LRRIQ1: variants seen among roughly 807,000 people sequenced by gnomAD.
The protein encoded by LRRIQ1 is leucine rich repeats and IQ motif containing 1.
LRRIQ1 carries 210 observed loss-of-function variants against 211.9 expected under a neutral mutation model. The observed-to-expected ratio is 0.99, with a 90% CI of 0.89 to 1.11. LRRIQ1 has a LOEUF of 1.11. Ranked by LOEUF, LRRIQ1 falls within the 50% of genes most tolerant of loss-of-function variation. LRRIQ1 has a pLI of 0.00. For synonymous variants in LRRIQ1, 699 were observed against 650.1 expected (o/e 1.08, Z -1.14); for missense variants, 2,136 against 1,939.5 (o/e 1.10, Z -1.90).
intron 19 of LRRIQ1, among the ~76,000 whole-genome samples, chr12:85,143,829 T>C (rs1889706115): frequency 6.6e-6 from 1 of 151,620 alleles, no homozygotes; most frequent in South Asian, 2.1e-4. Flanking sequence ...CAGATATCTT[T>C]CTATCAGGTG....
chr12:85,211,266 C>G (rs1893822788), intron 24 of LRRIQ1, among the ~76,000 whole-genome samples: 2 of 152,158 alleles, frequency 1.3e-5, no homozygotes, highest in African/African-American at 4.8e-5. Context: ...ACGAATCATT[C>G]TTGCTTTATG....
chr12:85,262,968 T>C, exon 2 of LRRIQ1: 1 of 987,432 alleles, frequency 1.0e-6, no homozygotes, highest in Non-Finnish European at 1.2e-6. Flanking sequence ...TACAAGACCT[T>C]CTAAAAAAGA....
chr12:85,187,545 G>A (rs1477962893), intron 24 of LRRIQ1, among the ~76,000 whole-genome samples: 6 of 151,970 alleles, frequency 3.9e-5, no homozygotes, highest in Non-Finnish European at 8.8e-5. Flanking sequence ...GGTGGTTCAC[G>A]CCTGTAATCC....
intron 18 of LRRIQ1, 29 bp downstream of exon 18, chr12:85,128,062 T>TA: frequency 7.0e-7 from 1 of 1,436,744 alleles, no homozygotes; most frequent in Non-Finnish European, 9.8e-7. Flanking sequence ...GTAACATAGT[T>TA]ACAAAAGATA....
At chr12:85,199,447 A>G (rs747220140) in intron 24 of LRRIQ1, among the ~76,000 whole-genome samples, 23 of 151,862 alleles carry the variant, frequency 1.5e-4, no homozygotes, top group Non-Finnish European at 3.1e-4. Context: ...TGGTCTCTCT[A>G]TTTGGCCCCA....
intron 24 of LRRIQ1, among the ~76,000 whole-genome samples, chr12:85,173,568 C>T (rs917521234): frequency 6.6e-6 from 1 of 152,040 alleles, no homozygotes; most frequent in Admixed American, 6.6e-5. Context: ...CAAATACACT[C>T]TTTTTCTCCC....
At chr12:85,122,105 G>T (rs1302294432) in intron 16 of LRRIQ1, among the ~76,000 whole-genome samples, 7 of 151,974 alleles carry the variant, frequency 4.6e-5, no homozygotes, top group Non-Finnish European at 1.0e-4. Flanking sequence ...ATTAGATAAA[G>T]AAAATGAAAG....
At chr12:85,173,004 G>C (rs1163190364) in intron 24 of LRRIQ1, among the ~76,000 whole-genome samples, 1 of 152,058 alleles carries the variant, frequency 6.6e-6, no homozygotes, top group East Asian at 1.9e-4. Context: ...AGCTACTCGG[G>C]AGGCTGAGGT....
At chr12:85,182,431 G>A (rs1203856113) in intron 24 of LRRIQ1, among the ~76,000 whole-genome samples, 1 of 152,192 alleles carries the variant, frequency 6.6e-6, no homozygotes, top group Admixed American at 6.6e-5. Context: ...ATTTAGGTTA[G>A]TTGAAAGCCC....
intron 2 of LRRIQ1, 120 bp from the exon 3 acceptor site, chr12:85,040,370 C>G (rs1878724820): frequency 2.0e-6 from 1 of 500,942 alleles, no homozygotes; most frequent in Non-Finnish European, 3.5e-6. Flanking sequence ...TATATGGAAT[C>G]TTTTTACTTC....
intron 24 of LRRIQ1, among the ~76,000 whole-genome samples, chr12:85,176,247 T>G (rs1891692511): frequency 2.6e-5 from 4 of 152,132 alleles, no homozygotes; most frequent in Non-Finnish European, 4.4e-5. Context: ...GATTCCTAGG[T>G]ATTTGATTCT....
chr12:85,223,829 T>C (rs1237370815), intron 24 of LRRIQ1, among the ~76,000 whole-genome samples: 1 of 152,036 alleles, frequency 6.6e-6, no homozygotes, highest in Non-Finnish European at 1.5e-5. Flanking sequence ...AAAAAAGATA[T>C]TTTACAATGT....
At chr12:85,150,935 G>A (rs1023008040) in intron 19 of LRRIQ1, among the ~76,000 whole-genome samples, 17 of 151,346 alleles carry the variant, frequency 1.1e-4, no homozygotes, top group South Asian at 4.1e-4. Flanking sequence ...TAACATGTGC[G>A]TTACCTCACA....
chr12:85,193,040 T>A (rs1320603152), intron 24 of LRRIQ1, among the ~76,000 whole-genome samples: 1 of 108,794 alleles, frequency 9.2e-6, no homozygotes, highest in East Asian at 2.5e-4. Flanking sequence ...TATATTATAT[T>A]TATAATAAAT....
chr12:85,179,149 C>T (rs191137862), intron 24 of LRRIQ1, among the ~76,000 whole-genome samples: 21 of 152,006 alleles, frequency 1.4e-4, no homozygotes. Flanking sequence ...TAATCAGAAT[C>T]TGTTTGATTA....
intron 19 of LRRIQ1, among the ~76,000 whole-genome samples, chr12:85,140,470 C>T (rs1889459793): frequency 6.6e-6 from 1 of 151,222 alleles, no homozygotes; most frequent in South Asian, 2.1e-4. Flanking sequence ...GCTGAAATCA[C>T]CCATTAATTT....
intron 24 of LRRIQ1, among the ~76,000 whole-genome samples, chr12:85,199,499 G>T (rs1490673135): frequency 6.6e-6 from 1 of 152,098 alleles, no homozygotes; most frequent in Non-Finnish European, 1.5e-5. Flanking sequence ...TGCTGTTTTG[G>T]TTACTGTGGC....
intron 20 of LRRIQ1, 127 bp downstream of exon 20, chr12:85,152,496 T>C: frequency 3.6e-6 from 2 of 549,470 alleles, no homozygotes; most frequent in Non-Finnish European, 6.0e-6. Flanking sequence ...AGCCTCTGAC[T>C]TCCTCCTCAT....
intron 8 of LRRIQ1, among the ~76,000 whole-genome samples, chr12:85,061,117 A>G (rs896401424): frequency 6.6e-6 from 1 of 151,832 alleles, no homozygotes; most frequent in African/African-American, 2.4e-5. Context: ...GAGTTTTGCC[A>G]CAGGCTAGGG....
Sources: gnomAD v4.1 joint callset for allele counts (sites outside exome capture counted in the v4.1 genomes callset) on GRCh38, gnomAD v4.1.1 for gene constraint, MANE v1.5 for transcripts, NCBI Gene and HGNC (gene_info 2026-07-23, HGNC 2026-07-21) for gene names.